DENND4C: variants seen among roughly 807,000 people sequenced by gnomAD.
The protein encoded by DENND4C is DENN domain containing 4C, also known as DENN domain-containing protein 4C.
Under a neutral mutation model 203.0 loss-of-function variants are expected in DENND4C, and 108 were observed. That is an observed-to-expected ratio of 0.53 (90% CI 0.46 to 0.62). The LOEUF (loss-of-function observed/expected upper bound fraction) is 0.62, where lower values mean the gene tolerates loss of function less well. Among genes scored for constraint, DENND4C ranks in the 20% least tolerant of loss-of-function variants. The pLI is 0.00. For synonymous variants in DENND4C, 871 were observed against 792.4 expected (o/e 1.10, Z -1.67); for missense variants, 2,481 against 2,301.2 (o/e 1.08, Z -1.60).
Position 19,352,530 on chromosome 9 carries a change from C to G in DENND4C, c.4646C>G (p.Ala1549Gly). 6 of 1,612,756 alleles carry G rather than the reference C, an allele frequency of 3.7e-6. No individual in the cohort carries two copies. Among genetic ancestry groups the G allele is most frequent in the Non-Finnish European group, 5.1e-6 (6 of 1,179,302 alleles). Residue 1549 changes from alanine (A) to glycine (G), a missense_variant, in exon 26 of 33, where the codon GCT becomes GGT. Ala to Gly is a moderately conservative substitution (Grantham distance 60). Transcript: ENST00000434457. ...SSCSQCRACG[A>G]LVYDEEIMAG... ...TGTTCACAGTGTAGAGCTTGTGGAGCTTTAGTTTATGATGAAGAAATTATG... is the reference window on the plus strand; with the variant it reads ...TGTTCACAGTGTAGAGCTTGTGGAGGTTTAGTTTATGATGAAGAAATTATG...
intron 1 of DENND4C, among the ~76,000 whole-genome samples, chr9:19,272,386 C>T (rs1211883598): frequency 2.0e-5 from 3 of 151,840 alleles, no homozygotes; most frequent in South Asian, 2.1e-4. Flanking sequence ...CGCCATTGCA[C>T]TCCCGCCTGG....
chr9:19,237,253 A>G (rs1020856321), intron 1 of DENND4C, among the ~76,000 whole-genome samples: 5 of 152,064 alleles, frequency 3.3e-5, no homozygotes, highest in African/African-American at 1.2e-4. Context: ...TCCTGACCTC[A>G]GGTGATCCGC....
chr9:19,283,416 C>T (rs1272371139), intron 2 of DENND4C, among the ~76,000 whole-genome samples: 2 of 151,894 alleles, frequency 1.3e-5, no homozygotes, highest in Non-Finnish European at 2.9e-5. Flanking sequence ...GGAATATACT[C>T]TAAAGTAATG....
chr9:19,244,912 A>T (rs1824768728), intron 1 of DENND4C, among the ~76,000 whole-genome samples: 1 of 152,222 alleles, frequency 6.6e-6, no homozygotes, highest in Non-Finnish European at 1.5e-5. Flanking sequence ...ATATGAAATG[A>T]ATTACTAGAT....
intron 31 of DENND4C, among the ~76,000 whole-genome samples, chr9:19,370,341 C>T (rs909721090): frequency 1.5e-4 from 23 of 151,896 alleles, no homozygotes; most frequent in Admixed American, 2.6e-4. Flanking sequence ...GTGACCTCAG[C>T]TACTTGAGAG....
At chr9:19,278,488 G>C (rs1411234930) in intron 2 of DENND4C, among the ~76,000 whole-genome samples, 1 of 151,994 alleles carries the variant, frequency 6.6e-6, no homozygotes. Flanking sequence ...ACCACCACTT[G>C]TTACGCTCAT....
intron 12 of DENND4C, among the ~76,000 whole-genome samples, chr9:19,320,364 A>G (rs1197940588): frequency 6.6e-6 from 1 of 151,866 alleles, no homozygotes; most frequent in Non-Finnish European, 1.5e-5. Context: ...ATGCCTGGCT[A>G]ATTTTTGTAT....
intron 1 of DENND4C, among the ~76,000 whole-genome samples, chr9:19,267,647 C>G (rs138648633): frequency 1.3e-5 from 2 of 151,940 alleles, no homozygotes; most frequent in Non-Finnish European, 2.9e-5. Flanking sequence ...GGGGATCTTC[C>G]CACCTCAGCT....
intron 1 of DENND4C, among the ~76,000 whole-genome samples, chr9:19,252,289 C>T (rs1826815434): frequency 6.6e-6 from 1 of 152,136 alleles, no homozygotes; most frequent in African/African-American, 2.4e-5. Flanking sequence ...ATGAGAACAG[C>T]ATGGGAAAGA....
rs1390025525 is a variant in DENND4C at position 19,235,165 on chromosome 9, A to G, written c.-18+4332A>G. Among the ~76,000 whole-genome samples the G allele has an allele frequency of 2.6e-5, 4 of 151,948 alleles. No individual in the cohort carries two copies. In the East Asian group the frequency reaches 7.8e-4, roughly 30 times the overall value. ...TTTTTAGTAGAGACGGGGTTTTGCC[A>G]TGTTGGCCAGGCTGGTCTTGAACTC... On this transcript the variant is annotated intron_variant, in intron 1 of 32. Coordinates refer to ENST00000434457, the MANE Select transcript of DENND4C (RefSeq NM_001330640.2).
At position 19,346,401 on chromosome 9, in the gene DENND4C, A is replaced by G. The variant is rs775981878; in HGVS notation, c.3632A>G (p.Asp1211Gly). Reference sequence around the variant, plus strand: ...GATACATATGAGAGTCTACTAAGTGATAGTAACAGTAATCAGTCCAGAGAC... The same window carrying G: ...GATACATATGAGAGTCTACTAAGTGGTAGTAACAGTAATCAGTCCAGAGAC... ...TVDTYESLLS[D>G]SNSNQSRDLK... The change falls in exon 23 of 33, where the codon GAT becomes GGT. Residue 1211 changes from aspartate to glycine, a missense_variant. Asp to Gly is a moderately conservative substitution (Grantham distance 94, BLOSUM62 -1). This residue lies in a region of DENND4C where 2,289 missense variants were observed against 2,113.3 expected (regional missense o/e 1.08). Transcript: ENST00000434457. 5 of 1,614,182 alleles carry G rather than the reference A, an allele frequency of 3.1e-6. No individual in the cohort carries two copies. The highest frequency in any genetic ancestry group is 4.2e-6 in the Non-Finnish European group (5 of 1,180,026).
At chr9:19,260,047 C>T (rs1375514050) in intron 1 of DENND4C, among the ~76,000 whole-genome samples, 2 of 152,156 alleles carry the variant, frequency 1.3e-5, no homozygotes, top group African/African-American at 2.4e-5. Context: ...ATACTATTCT[C>T]CATAGTTACC....
chr9:19,330,333 GTTTTTTTT>G (rs398010417), intron 16 of DENND4C, among the ~76,000 whole-genome samples: 1 of 97,120 alleles, frequency 1.0e-5, no homozygotes, highest in African/African-American at 4.1e-5. Flanking sequence ...TACCAAGTTG[GTTTTTTTT>G]TTTTTTTTTT....
At chr9:19,278,946 C>T (rs1326442044) in intron 2 of DENND4C, among the ~76,000 whole-genome samples, 1 of 152,070 alleles carries the variant, frequency 6.6e-6, no homozygotes, top group Non-Finnish European at 1.5e-5. Context: ...GCCCATGGAC[C>T]AGTATTGTCC....
intron 30 of DENND4C, among the ~76,000 whole-genome samples, chr9:19,363,177 C>A (rs1588990622): frequency 1.3e-5 from 2 of 152,172 alleles, no homozygotes; most frequent in East Asian, 3.9e-4. Flanking sequence ...TGCACACATT[C>A]CTGGTGTCTC....
At chr9:19,307,997 C>T (rs1840028593) in intron 10 of DENND4C, among the ~76,000 whole-genome samples, 1 of 151,860 alleles carries the variant, frequency 6.6e-6, no homozygotes, top group East Asian at 1.9e-4. Flanking sequence ...GTTTTGCATA[C>T]TTATAAATTT....
chr9:19,275,044 C>G (rs1832592782), intron 1 of DENND4C, among the ~76,000 whole-genome samples: 2 of 150,076 alleles, frequency 1.3e-5, no homozygotes, highest in African/African-American at 4.9e-5. Context: ...TGGCACGATC[C>G]TGGCTCACTG....
chr9:19,288,339 C>T (rs1333575072), intron 3 of DENND4C, among the ~76,000 whole-genome samples: 1 of 152,176 alleles, frequency 6.6e-6, no homozygotes, highest in Non-Finnish European at 1.5e-5. Context: ...AAGGGGCAAT[C>T]TCTGAGTGAT....
At chr9:19,251,687 C>T (rs749098628) in intron 1 of DENND4C, among the ~76,000 whole-genome samples, 5 of 152,084 alleles carry the variant, frequency 3.3e-5, no homozygotes, top group Non-Finnish European at 7.4e-5. Context: ...TGCCAGATAC[C>T]CTAAATCATC....
Sources: gnomAD v4.1 joint callset for allele counts (sites outside exome capture counted in the v4.1 genomes callset) on GRCh38, gnomAD v4.1.1 for gene constraint, gnomAD v4.1.1 regional missense constraint, MANE v1.5 for transcripts, NCBI Gene and HGNC (gene_info 2026-07-23, HGNC 2026-07-21) for gene names.